The following NCKAP5L variants were observed in gnomAD, a reference collection of about 807,000 sequenced individuals.
NCKAP5L encodes the protein nck-associated protein 5-like.
Under a neutral mutation model 103.2 loss-of-function variants are expected in NCKAP5L, and 54 were observed. That is an observed-to-expected ratio of 0.52 (90% CI 0.42 to 0.66). The LOEUF (loss-of-function observed/expected upper bound fraction) is 0.66, where lower values mean the gene tolerates loss of function less well. Among genes scored for constraint, NCKAP5L ranks in the 30% least tolerant of loss-of-function variants. NCKAP5L has a pLI of 0.00. For synonymous variants in NCKAP5L, 762 were observed against 748.6 expected (o/e 1.02, Z -0.29); for missense variants, 1,733 against 1,750.6 (o/e 0.99, Z 0.18).
Position 49,792,950 on chromosome 12 carries a change from A to G in NCKAP5L, c.3377T>C (p.Ile1126Thr). 2 of 1,560,010 alleles carry G rather than the reference A, an allele frequency of 1.3e-6. No homozygotes were observed. The highest frequency in any genetic ancestry group is 1.7e-6 in the Non-Finnish European group (2 of 1,160,674). ...GSLTRTLDSG[I>T]GTFPPPDHGS... ...ATGGTCTGGGGGTGGGAAGGTCCCAATGCCACTGTCCAAGGTTCGAGTCAA... is the reference window on the plus strand; with the variant it reads ...ATGGTCTGGGGGTGGGAAGGTCCCAGTGCCACTGTCCAAGGTTCGAGTCAA... The change falls in exon 11 of 13, where the codon ATT (isoleucine) becomes ACT (threonine). Residue 1126 changes from isoleucine to threonine, a missense_variant. Ile to Thr is a moderately conservative substitution (Grantham distance 89). Coordinates refer to ENST00000335999, the MANE Select transcript of NCKAP5L (RefSeq NM_001037806.4). This position sits in a 1 kb window ranked among gnomAD's most constrained non-coding sequence, Gnocchi z 4.5.
At chr12:49,812,566 TA>T (rs1025278988) in intron 1 of NCKAP5L, among the ~76,000 whole-genome samples, 1 of 152,058 alleles carries the variant, frequency 6.6e-6, no homozygotes, top group African/African-American at 2.4e-5. Flanking sequence ...GTATTTTTAG[TA>T]GAGACGGGGT....
chr12:49,794,862 G>C lies in NCKAP5L; in HGVS notation c.2998C>G (p.Pro1000Ala). The C allele has an allele frequency of 1.3e-6, 2 of 1,501,006 alleles. No individual in the cohort carries two copies. Among genetic ancestry groups the C allele is most frequent in the Non-Finnish European group, 1.8e-6 (2 of 1,125,540 alleles). The allele number at this position is 1,501,006 out of a possible 1,614,324, so 93.0% of individuals were successfully genotyped here. Reference protein sequence around the residue: ...SSRARPRPGGPAPGPNTGLGQ... With the variant: ...SSRARPRPGGAAPGPNTGLGQ... ...AGCCCCGTGTTGGGCCCTGGGGCTGGGCCACCAGGCCGTGGCCGGGCCCGG... is the reference window on the plus strand; with the variant it reads ...AGCCCCGTGTTGGGCCCTGGGGCTGCGCCACCAGGCCGTGGCCGGGCCCGG... Residue 1000 changes from proline to alanine, a missense_variant, in exon 8 of 13, where the codon CCA (proline) becomes GCA (alanine). By Grantham distance (27) the Pro-to-Ala change is conservative. Transcript: ENST00000335999.
In NCKAP5L at chr12:49,797,491, A is replaced by C; in HGVS notation, c.466-97T>G. 1.1e-6 allele frequency: 1 copy of C among 897,532 alleles called. No homozygotes were observed. The allele number at this position is 897,532 out of a possible 1,614,324, so 55.6% of individuals were successfully genotyped here. ...GGCTGGCTTAACAGGGAATGCCAGG[A>C]ACAGAGCTGGCCTGGTTGTGTCTGT... On this transcript the variant is annotated intron_variant, in intron 7 of 12. Coordinates refer to ENST00000335999, the MANE Select transcript of NCKAP5L (RefSeq NM_001037806.4). The surrounding 1 kb of genome is among the most constrained non-coding windows in gnomAD (Gnocchi z 4.5).
At chr12:49,811,409 C>G (rs909538013) in intron 1 of NCKAP5L, among the ~76,000 whole-genome samples, 2 of 152,108 alleles carry the variant, frequency 1.3e-5, no homozygotes, top group Non-Finnish European at 2.9e-5. Flanking sequence ...CAGAGGGGAA[C>G]CCCCTCACAC....
At chr12:49,813,705 T>G (rs2137029943) in intron 1 of NCKAP5L, among the ~76,000 whole-genome samples, 1 of 152,178 alleles carries the variant, frequency 6.6e-6, no homozygotes, top group South Asian at 2.1e-4. Context: ...TTTTTGTATT[T>G]TTAGTAGAGA....
intron 1 of NCKAP5L, among the ~76,000 whole-genome samples, chr12:49,813,733 G>GGCCAGGCT (rs1425652793): frequency 2.6e-5 from 4 of 152,048 alleles, no homozygotes; most frequent in Admixed American, 1.3e-4. Context: ...TCACCATGTT[G>GGCCAGGCT]GCCAGGCTGG....
At chr12:49,803,877 G>C (rs1171302618) in intron 3 of NCKAP5L, 45 bp downstream of exon 3, 3 of 1,585,970 alleles carry the variant, frequency 1.9e-6, no homozygotes, top group Non-Finnish European at 1.7e-6. Context: ...TGCCTCCCCA[G>C]GGCTCTGGCT....
Position 49,793,368 on chromosome 12 carries a change from G to A in NCKAP5L, c.3324C>T (p.Pro1108=), listed in dbSNP as rs1291777763. The change falls in exon 10 of 13, where the codon CCC becomes CCT. Residue 1108 remains proline (P), a synonymous_variant. Coordinates refer to ENST00000335999, the MANE Select transcript of NCKAP5L (RefSeq NM_001037806.4). ...PSEDSLAEPV[P]TSHFTACGSL... ...CCTGCTGACCTGTGAAGTGTGAGGT[G>A]GGCACTGGCTCGGCCAGGCTGTCCT... 1.9e-6 allele frequency: 3 copies of A among 1,607,704 alleles called. No homozygotes were observed. The Admixed American group carries it at 5.0e-5, about 27-fold the overall frequency.
chr12:49,816,535 C>T (rs975494771), intron 1 of NCKAP5L, among the ~76,000 whole-genome samples: 13 of 144,944 alleles, frequency 9.0e-5, no homozygotes, highest in African/African-American at 3.1e-4. Flanking sequence ...CGCGGTGGCT[C>T]ATGCCTGTAA....
chr12:49,791,709 T>C lies in NCKAP5L; in HGVS notation c.*130A>G. ...GTGGGGTGTGCCAGGGACCCCCTTT[T>C]CACCTTCTTATCCACCTGCCTCCTT... On this transcript the variant is annotated 3_prime_UTR_variant, in exon 13 of 13. Coordinates refer to ENST00000335999, the MANE Select transcript of NCKAP5L (RefSeq NM_001037806.4). The C allele has an allele frequency of 2.6e-6, 2 of 759,994 alleles. No individual in the cohort carries two copies. The highest frequency in any genetic ancestry group is 5.7e-5 in the East Asian group (2 of 34,846). 47.1% of individuals were successfully genotyped at this position (759,994 alleles called of 1,614,324 possible).
chr12:49,813,395 G>A (rs1244835196), intron 1 of NCKAP5L, among the ~76,000 whole-genome samples: 1 of 152,162 alleles, frequency 6.6e-6, no homozygotes, highest in Non-Finnish European at 1.5e-5. Context: ...GATGACTAAT[G>A]ATGTTAAACA....
At chr12:49,793,280 G>T in intron 10 of NCKAP5L, 72 bp downstream of exon 10, 1 of 1,465,994 alleles carries the variant, frequency 6.8e-7, no homozygotes, top group African/African-American at 1.4e-5. Context: ...GCGGGGACGG[G>T]AAGAAGTAAA....
intron 1 of NCKAP5L, among the ~76,000 whole-genome samples, chr12:49,816,479 A>G (rs1443325728): frequency 5.2e-5 from 7 of 134,600 alleles, no homozygotes; most frequent in African/African-American, 1.8e-4. Context: ...GACCCTTTCA[A>G]AGTTCTCAAC....
At position 49,796,089 on chromosome 12, in the gene NCKAP5L, C is replaced by T. The variant is rs1487734580; in HGVS notation, c.1771G>A (p.Val591Ile). 3 of 1,603,646 alleles carry T rather than the reference C, an allele frequency of 1.9e-6. No individual in the cohort carries two copies. Among genetic ancestry groups the T allele is most frequent in the Non-Finnish European group, 2.6e-6 (3 of 1,175,416 alleles). Residue 591 changes from valine (V) to isoleucine (I), a missense_variant, in exon 8 of 13, where the codon GTA becomes ATA. Transcript: ENST00000335999. The part of the protein sequence containing the change: ...VPTYPQLTLE[V>I]PQAPEVLRSP... ...CTGAGGACCTCAGGGGCCTGTGGTA[C>T]CTCCAGAGTTAGCTGTGGGTAGGTG...
Position 49,793,890 on chromosome 12 carries a change from A to G in NCKAP5L, c.3102T>C (p.Asp1034=), listed in dbSNP as rs1945983121. Residue 1034 remains aspartate, a synonymous_variant, in exon 9 of 13, where the codon GAT becomes GAC. Transcript: ENST00000335999. The part of the protein sequence containing the change: ...TFMQQLLNRV[D]GKELPSKSWR... The stretch of plus-strand genomic sequence containing the variant: ...AGCTCTTGGATGGCAGCTCCTTGCC[A>G]TCCACCCTATGGGCAACAGTGCAGA... 6.5e-7 allele frequency: 1 copy of G among 1,547,872 alleles called. No homozygotes were observed. The highest frequency in any genetic ancestry group is 8.7e-7 in the Non-Finnish European group (1 of 1,147,454).
rs190636882 is a variant in NCKAP5L at position 49,803,154 on chromosome 12, C to T, written c.135G>A (p.Ser45=). 5.6e-6 allele frequency: 9 copies of T among 1,614,046 alleles called. No homozygotes were observed. The highest frequency in any genetic ancestry group is 5.0e-5 in the Admixed American group (3 of 60,024). Residue 45 remains serine (S), a synonymous_variant, in exon 4 of 13, where the codon TCG becomes TCA. Transcript: ENST00000335999. ...GGTTTTCGTTGGCCTGGGCAAGTGCCGAGTTCTCTGCCTGCAGGAGTGAGG... is the reference window on the plus strand; with the variant it reads ...GGTTTTCGTTGGCCTGGGCAAGTGCTGAGTTCTCTGCCTGCAGGAGTGAGG... ...HRLRELEAEN[S]ALAQANENQR...
Position 49,803,772 on chromosome 12 carries a change from GA to G in NCKAP5L, c.123+149del, listed in dbSNP as rs940146039. The G allele has an allele frequency of 1.6e-5, 17 of 1,075,762 alleles. No individual in the cohort carries two copies. In the African/African-American group the frequency reaches 2.5e-4, roughly 16 times the overall value. 66.6% of individuals were successfully genotyped at this position (1,075,762 alleles called of 1,614,324 possible). A position where few individuals can be genotyped will look rare whatever the true frequency, so the allele number is the denominator to read the frequency against. ...GGCTTCTCAGAGGAGCTTTGCAAAAGAATGTTCTGCTAGCCTCCTGCCTGGC... is the reference window on the plus strand; with the variant it reads ...GGCTTCTCAGAGGAGCTTTGCAAAAGATGTTCTGCTAGCCTCCTGCCTGGC... On this transcript the variant is annotated intron_variant, in intron 3 of 12. Transcript: ENST00000335999.
chr12:49,815,183 T>C (rs1459880073), intron 1 of NCKAP5L, among the ~76,000 whole-genome samples: 1 of 152,232 alleles, frequency 6.6e-6, no homozygotes, highest in Non-Finnish European at 1.5e-5. Flanking sequence ...GGCAATACTT[T>C]GGACTATGTA....
At chr12:49,794,601 A>C (rs1239662153) in intron 8 of NCKAP5L, among the ~76,000 whole-genome samples, 164 bp downstream of exon 8, 5 of 104,076 alleles carry the variant, frequency 4.8e-5, no homozygotes, top group Admixed American at 1.9e-4. Context: ...AGGCCAAGTC[A>C]CTGACCCCCC....
Sources: gnomAD v4.1 joint callset for allele counts (sites outside exome capture counted in the v4.1 genomes callset) on GRCh38, gnomAD v4.1.1 for gene constraint, Gnocchi (gnomAD v3.1) non-coding constraint, MANE v1.5 for transcripts, NCBI Gene and HGNC (gene_info 2026-07-23, HGNC 2026-07-21) for gene names.